GRID2: variants seen among roughly 807,000 people sequenced by gnomAD.
GRID2 encodes the protein glutamate receptor ionotropic, delta-2.
In GRID2, 33 loss-of-function variants were observed where a neutral mutation model predicts 114.8. The observed-to-expected ratio is 0.29, with a 90% CI of 0.22 to 0.38. The LOEUF (loss-of-function observed/expected upper bound fraction) is 0.38, where lower values mean the gene tolerates loss of function less well. GRID2 is among the 10% of genes least tolerant of loss of function. The pLI, the probability that GRID2 is intolerant of heterozygous loss-of-function variation, is 1.00. For synonymous variants in GRID2, 505 were observed against 449.9 expected (o/e 1.12, Z -1.55); for missense variants, 1,184 against 1,257.7 (o/e 0.94, Z 0.89).
intron 11 of GRID2, among the ~76,000 whole-genome samples, chr4:93,489,329 G>A (rs1238862104): frequency 2.6e-5 from 4 of 151,976 alleles, no homozygotes; most frequent in East Asian, 1.9e-4. Flanking sequence ...GACATATATC[G>A]GCATGGCTCT....
intron 1 of GRID2, among the ~76,000 whole-genome samples, chr4:92,390,764 T>C (rs1393243213): frequency 2.6e-5 from 4 of 152,168 alleles, no homozygotes; most frequent in African/African-American, 4.8e-5. Context: ...ACACTTCATA[T>C]TTTGCTGCTT....
intron 14 of GRID2, among the ~76,000 whole-genome samples, chr4:93,630,059 A>AG (rs1253665961): frequency 6.6e-6 from 1 of 152,224 alleles, no homozygotes. Context: ...GCGAACACAC[A>AG]TTGGAATGAC....
intron 2 of GRID2, among the ~76,000 whole-genome samples, chr4:92,600,539 A>G (rs148728308): frequency 2.0e-4 from 30 of 152,310 alleles, no homozygotes; most frequent in African/African-American, 5.8e-4. Context: ...GGGATTGTGT[A>G]AAAAGACTGA....
chr4:92,987,424 T>C (rs973806113), intron 2 of GRID2, among the ~76,000 whole-genome samples: 1 of 152,050 alleles, frequency 6.6e-6, no homozygotes, highest in African/African-American at 2.4e-5. Flanking sequence ...TTTCAACAAC[T>C]ATTATTTATA....
At chr4:92,456,371 G>T (rs1721216202) in intron 1 of GRID2, among the ~76,000 whole-genome samples, 1 of 151,934 alleles carries the variant, frequency 6.6e-6, no homozygotes, top group Non-Finnish European at 1.5e-5. Context: ...AGCCAATTCT[G>T]CACGGAAAAA....
intron 14 of GRID2, among the ~76,000 whole-genome samples, chr4:93,652,890 C>G (rs1488790784): frequency 6.6e-6 from 1 of 151,124 alleles, no homozygotes; most frequent in Non-Finnish European, 1.5e-5. Context: ...AGCAAATGAG[C>G]CTGGGAAGAT....
Position 92,832,771 on chromosome 4 carries a change from A to C in GRID2, c.244+242485A>C, listed in dbSNP as rs544325859. 2.2e-3 allele frequency among the ~76,000 whole-genome samples: 333 copies of C among 152,246 alleles called. 2 individuals are homozygous for C. The highest frequency in any genetic ancestry group is 3.5e-3 in the Non-Finnish European group (235 of 68,028). Reference sequence around the variant, plus strand: ...CACTGCACTCCAGCCTGGACAACAGAGACTCTGTCACAATAATAATAATAA... The same window carrying C: ...CACTGCACTCCAGCCTGGACAACAGCGACTCTGTCACAATAATAATAATAA... On this transcript the variant is annotated intron_variant, in intron 2 of 15. Coordinates refer to ENST00000282020, the MANE Select transcript of GRID2 (RefSeq NM_001510.4).
In GRID2 at chr4:92,421,647, G is replaced by A. The variant is rs902632096; in HGVS notation, c.88+116903G>A. On this transcript the variant is annotated intron_variant, in intron 1 of 15. Transcript: ENST00000282020. ...GAGAATAAGAATTAGACACAAAGCA[G>A]AAGAGAGTAAAAACAAGCTAGAGTT... is the stretch of plus-strand genomic sequence containing the variant. Among the ~76,000 whole-genome samples, 4 of 152,258 alleles carry A rather than the reference G, an allele frequency of 2.6e-5. No homozygotes were observed. The East Asian group carries it at 5.8e-4, about 22-fold the overall frequency.
At position 92,783,310 on chromosome 4, in the gene GRID2, A is replaced by C. The variant is rs146481220; in HGVS notation, c.244+193024A>C. Among the ~76,000 whole-genome samples, 175 of 152,184 alleles carry C rather than the reference A, an allele frequency of 1.1e-3. 4 individuals are homozygous for C. The highest frequency in any genetic ancestry group is 1.7e-3 in the Non-Finnish European group (116 of 68,002). On this transcript the variant is annotated intron_variant, in intron 2 of 15. Transcript: ENST00000282020. ...CCCGCAAAAATGGCAGTTTTACATG[A>C]TTCAGTATTACAGTTAGAAGTGTAG...
At chr4:93,391,651 T>C (rs1764863482) in intron 8 of GRID2, among the ~76,000 whole-genome samples, 1 of 152,186 alleles carries the variant, frequency 6.6e-6, no homozygotes, top group African/African-American at 2.4e-5. Flanking sequence ...AGTTCAGCTC[T>C]TTTTGACATT....
At chr4:92,608,990 A>T (rs761288246) in intron 2 of GRID2, among the ~76,000 whole-genome samples, 1 of 151,832 alleles carries the variant, frequency 6.6e-6, no homozygotes, top group Non-Finnish European at 1.5e-5. Context: ...TGTTTAGCAA[A>T]TAAAAGACAT....
At chr4:93,381,627 T>G (rs1763862883) in intron 8 of GRID2, among the ~76,000 whole-genome samples, 1 of 152,118 alleles carries the variant, frequency 6.6e-6, no homozygotes, top group African/African-American at 2.4e-5. Flanking sequence ...TTATTTAGAT[T>G]TATGCCAGTT....
intron 13 of GRID2, among the ~76,000 whole-genome samples, chr4:93,599,736 A>G (rs146871547): frequency 1.3e-5 from 2 of 152,210 alleles, no homozygotes; most frequent in Admixed American, 1.3e-4. Context: ...CTGCACAAGG[A>G]AAGAGTCGCA....
chr4:93,073,857 A>G (rs1042539431), intron 2 of GRID2, among the ~76,000 whole-genome samples: 49 of 152,320 alleles, frequency 3.2e-4, no homozygotes, highest in Middle Eastern at 3.4e-3. Context: ...GATGAGGGGC[A>G]GTAACAGTGA....
intron 8 of GRID2, among the ~76,000 whole-genome samples, chr4:93,294,834 A>G (rs1754123755): frequency 6.6e-6 from 1 of 152,198 alleles, no homozygotes; most frequent in Admixed American, 6.5e-5. Flanking sequence ...TGCTGGGATT[A>G]CAGGCATGAG....
At chr4:93,039,902 T>G (rs1254910889) in intron 2 of GRID2, among the ~76,000 whole-genome samples, 2 of 152,146 alleles carry the variant, frequency 1.3e-5, no homozygotes, top group Non-Finnish European at 2.9e-5. Flanking sequence ...AAATATATGG[T>G]ATTAGTGTGC....
chr4:93,665,656 A>G (rs113408906), intron 14 of GRID2, among the ~76,000 whole-genome samples: 70 of 152,168 alleles, frequency 4.6e-4, no homozygotes, highest in Non-Finnish European at 3.2e-4. Flanking sequence ...TCTAAATGCT[A>G]TAAGTTGACA....
chr4:93,043,751 C>T (rs979893458), intron 2 of GRID2, among the ~76,000 whole-genome samples: 30 of 142,294 alleles, frequency 2.1e-4, no homozygotes, highest in Admixed American at 3.5e-4. Context: ...CATCAAACAC[C>T]GGGGCCTGTC....
intron 2 of GRID2, among the ~76,000 whole-genome samples, chr4:92,599,539 G>T (rs1241045863): frequency 6.6e-6 from 1 of 151,966 alleles, no homozygotes; most frequent in Non-Finnish European, 1.5e-5. Context: ...TTGCTTATTT[G>T]AATTTCTTGT....
Sources: allele counts gnomAD v4.1 joint callset (sites outside exome capture counted in the v4.1 genomes callset), GRCh38; gene constraint gnomAD v4.1.1; transcripts MANE v1.5; gene names NCBI Gene and HGNC (gene_info 2026-07-23, HGNC 2026-07-21).